The following ARMC10 variants were observed in gnomAD, a reference collection of about 807,000 sequenced individuals.
ARMC10 encodes the protein armadillo repeat containing 10, also known as armadillo repeat-containing protein 10.
In ARMC10, 23 loss-of-function variants were observed where a neutral mutation model predicts 30.2. The observed-to-expected ratio is 0.76, with a 90% CI of 0.55 to 1.08. The LOEUF (loss-of-function observed/expected upper bound fraction) is 1.08. Ranked by LOEUF, ARMC10 falls within the 50% of genes least tolerant of loss-of-function variation. The probability of loss-of-function intolerance (pLI) is 0.00; values close to 1 mark genes in which losing one functional copy is unlikely to be tolerated. For synonymous variants in ARMC10, 111 were observed against 164.4 expected, an observed-to-expected ratio of 0.68 and a Z score of 2.48; for missense variants, 303 against 413.7, an observed-to-expected ratio of 0.73 and a Z score of 2.32.
chr7:103,087,795 G>A (rs1484429102), intron 4 of ARMC10: 2 of 985,022 alleles, frequency 2.0e-6, no homozygotes, highest in Non-Finnish European at 2.4e-6. Flanking sequence ...CAGTAACTGT[G>A]AGGAGCTATG....
At chr7:103,089,178 GCC>G (rs924568560) in intron 4 of ARMC10, 1 of 250,424 alleles carries the variant, frequency 4.0e-6, no homozygotes, top group African/African-American at 2.2e-5. Context: ...TCCTCCACTA[GCC>G]CCATGAACCA....
chr7:103,098,304 T>C lies in ARMC10; in HGVS notation c.783T>C (p.Asp261=), dbSNP rs750026388. ...MTEGLLRAQV[D]SSFLSLYDSH... is the part of the protein sequence containing the mutation. The stretch of plus-strand genomic sequence containing the variant: ...CTCATTGTTTCATATTTCAGGTGGA[T>C]TCATCATTCCTTTCCCTTTATGACA... Residue 261 remains aspartate, a synonymous_variant, in exon 7 of 7, where the codon GAT becomes GAC. Transcript: ENST00000323716. 1 of 1,519,808 alleles carries C rather than the reference T, an allele frequency of 6.6e-7. No homozygotes were observed. The highest frequency in any genetic ancestry group is 1.4e-5 in the African/African-American group (1 of 71,448). 94.1% of individuals were successfully genotyped at this position (1,519,808 alleles called of 1,614,324 possible). A position where few individuals can be genotyped will look rare whatever the true frequency, so the allele number is the denominator to read the frequency against.
intron 3 of ARMC10, among the ~76,000 whole-genome samples, chr7:103,085,970 TC>T (rs1400557240): frequency 1.4e-4 from 22 of 152,262 alleles, no homozygotes; most frequent in Non-Finnish European, 3.1e-4. Context: ...ATCAGTGCGT[TC>T]CCACCACTTC....
At chr7:103,097,480 T>A (rs145065686) in intron 6 of ARMC10, 132 bp downstream of exon 6, 71 of 572,338 alleles carry the variant, frequency 1.2e-4, no homozygotes, top group Middle Eastern at 1.2e-3. Flanking sequence ...GGTGGTTTTT[T>A]AAATTCATTT....
At chr7:103,082,998 T>G (rs1285429958) in intron 2 of ARMC10, 1 of 452,708 alleles carries the variant, frequency 2.2e-6, no homozygotes, top group African/African-American at 2.0e-5. Context: ...ATAGCTTTCC[T>G]TCTATCTGAT....
At chr7:103,086,184 G>A (rs1397241879) in intron 3 of ARMC10, among the ~76,000 whole-genome samples, 1 of 152,108 alleles carries the variant, frequency 6.6e-6, no homozygotes, top group Non-Finnish European at 1.5e-5. Context: ...CATTTTGAGG[G>A]ATTAGTGTTT....
chr7:103,075,822 C>T lies in ARMC10; in HGVS notation c.185C>T (p.Ser62Leu), dbSNP rs149036313. 1.2e-4 allele frequency: 200 copies of T among 1,611,040 alleles called. No homozygotes were observed. The highest frequency in any genetic ancestry group is 1.5e-4 in the Non-Finnish European group (182 of 1,178,864). ...TCAGAGGGTCAGTTGTGCGGGCGCTCGGCCCGGCCTCAGACGGGAGGTACC... is the reference window on the plus strand; with the variant it reads ...TCAGAGGGTCAGTTGTGCGGGCGCTTGGCCCGGCCTCAGACGGGAGGTACC... Reference protein sequence around the residue: ...GTSEGQLCGRSARPQTGGTWE... With the variant: ...GTSEGQLCGRLARPQTGGTWE... The change falls in exon 2 of 7, where the codon TCG becomes TTG. Residue 62 changes from serine (S) to leucine (L), a missense_variant. Ser to Leu is a moderately radical substitution (Grantham distance 145). Around this residue, in one of 4 missense-constraint regions of ARMC10, gnomAD observed 96 missense variants for 84.2 expected, o/e 1.14. Transcript: ENST00000323716.
At chr7:103,086,948 A>G in intron 4 of ARMC10, 184 bp downstream of exon 4, 1 of 1,456,336 alleles carries the variant, frequency 6.9e-7, no homozygotes, top group South Asian at 1.2e-5. Flanking sequence ...GTACAATAAG[A>G]CTTTTGTTTC....
At chr7:103,087,835 G>C (rs1328634168) in intron 4 of ARMC10, 1 of 961,256 alleles carries the variant, frequency 1.0e-6, no homozygotes, top group African/African-American at 1.8e-5. Context: ...GTACTATATA[G>C]ACTAGAAAAT....
At chr7:103,080,020 A>G (rs1246526861) in intron 2 of ARMC10, among the ~76,000 whole-genome samples, 3 of 152,280 alleles carry the variant, frequency 2.0e-5, no homozygotes, top group East Asian at 3.9e-4. Flanking sequence ...TGAGAATTCT[A>G]ATTTCTCCTT....
At chr7:103,089,150 G>T in intron 4 of ARMC10, 1 of 224,840 alleles carries the variant, frequency 4.4e-6, no homozygotes. Context: ...TAGCAATTTG[G>T]CATGTTGCTA....
chr7:103,092,693 T>C (rs766505553), intron 5 of ARMC10, 40 bp downstream of exon 5: 2 of 1,411,316 alleles, frequency 1.4e-6, no homozygotes, highest in African/African-American at 2.8e-5. Context: ...AACATTGAAA[T>C]AGTATTTGCA....
chr7:103,087,831 T>C (rs1009326506), intron 4 of ARMC10: 19 of 968,534 alleles, frequency 2.0e-5, no homozygotes, highest in South Asian at 1.4e-4. Context: ...GCAAGTACTA[T>C]ATAGACTAGA....
At chr7:103,075,577 C>A (rs952815872) in intron 1 of ARMC10, among the ~76,000 whole-genome samples, 166 bp downstream of exon 1, 11 of 152,364 alleles carry the variant, frequency 7.2e-5, no homozygotes, top group African/African-American at 2.6e-4. Context: ...CGCCCCTTTG[C>A]TGACTATACT....
intron 3 of ARMC10, among the ~76,000 whole-genome samples, chr7:103,085,652 C>G (rs566081811): frequency 2.8e-5 from 4 of 142,476 alleles, no homozygotes; most frequent in African/African-American, 1.1e-4. Flanking sequence ...GAGTCTCACT[C>G]TGTTGCACGG....
At position 103,075,398 on chromosome 7, in the gene ARMC10, T is replaced by C. The variant is rs1799612631; in HGVS notation, c.126T>C (p.Ser42=). Residue 42 remains serine (S), a synonymous_variant, in exon 1 of 7, where the codon TCT becomes TCC. Coordinates refer to ENST00000323716, the MANE Select transcript of ARMC10 (RefSeq NM_031905.5). ...GCGACCGCGAGCTCGGGATACGCTC[T>C]TCGAAGTCCGCAGGTGGGACCCCGG... The part of the protein sequence containing the change: ...RRGDRELGIR[S]SKSAGALEEG... 3.1e-6 allele frequency: 4 copies of C among 1,291,240 alleles called. No individual in the cohort carries two copies. In the African/African-American group the frequency reaches 4.5e-5, roughly 15 times the overall value. 80.0% of individuals were successfully genotyped at this position (1,291,240 alleles called of 1,614,324 possible). A position where few individuals can be genotyped will look rare whatever the true frequency, so the allele number is the denominator to read the frequency against.
At chr7:103,098,161 T>A (rs1801931517) in intron 6 of ARMC10, 138 bp from the exon 7 acceptor site, 1 of 1,008,130 alleles carries the variant, frequency 9.9e-7, no homozygotes, top group Non-Finnish European at 1.3e-6. Context: ...ATTTTTTTAA[T>A]GTGAGATACA....
chr7:103,083,570 G>A, intron 2 of ARMC10, 112 bp from the exon 3 acceptor site: 2 of 899,076 alleles, frequency 2.2e-6, no homozygotes, highest in Admixed American at 5.0e-5. Context: ...AGGTTGTAGT[G>A]AGCCATGATT....
At chr7:103,091,404 A>G (rs1801312075) in intron 4 of ARMC10, among the ~76,000 whole-genome samples, 1 of 152,212 alleles carries the variant, frequency 6.6e-6, no homozygotes, top group African/African-American at 2.4e-5. Context: ...CACTGAGTTT[A>G]GTTGTGTCAT....
Sources: allele counts gnomAD v4.1 joint callset (sites outside exome capture counted in the v4.1 genomes callset), GRCh38; gene constraint gnomAD v4.1.1; regional missense constraint gnomAD v4.1.1; transcripts MANE v1.5; gene names NCBI Gene and HGNC (gene_info 2026-07-23, HGNC 2026-07-21).